Variants in ZNG1A observed in about 807,000 individuals in gnomAD.
ZNG1A encodes the protein Zn regulated GTPase metalloprotein activator 1A, also known as zinc-regulated GTPase metalloprotein activator 1A.
chr9:163,377 G>T, the ZNG1A span, among the ~76,000 whole-genome samples: 1 of 151,270 alleles, frequency 6.6e-6, no homozygotes, highest in Non-Finnish European at 1.5e-5. Context: ...TATATTAAGG[G>T]CATAAATCAA....
At chr9:167,369 TAGG>T in the ZNG1A span, 7 of 150,864 alleles carry the variant, frequency 4.6e-5, no homozygotes, top group African/African-American at 1.5e-4. Flanking sequence ...AATCAAACAC[TAGG>T]AGATTATGGA....
At chr9:133,362 G>T in the ZNG1A span, among the ~76,000 whole-genome samples, 6 of 137,700 alleles carry the variant, frequency 4.4e-5, no homozygotes, top group African/African-American at 1.7e-4. Context: ...ATAGTGTCTG[G>T]AATTTGCTTT....
At chr9:149,354 T>G in the ZNG1A span, 2 of 150,944 alleles carry the variant, frequency 1.3e-5, no homozygotes, top group South Asian at 4.2e-4. Flanking sequence ...TAATACCAAG[T>G]TTTCTAGCCA....
the ZNG1A span, among the ~76,000 whole-genome samples, chr9:141,775 G>C: frequency 1.5e-4 from 23 of 152,178 alleles, no homozygotes; most frequent in African/African-American, 5.3e-4. Context: ...AGACCCATCA[G>C]TGTGCTGTAT....
the ZNG1A span, chr9:153,227 T>C: frequency 6.6e-6 from 1 of 152,146 alleles, no homozygotes; most frequent in South Asian, 2.1e-4. Context: ...GCAATCACAA[T>C]GGTGCACAAG....
At chr9:131,179 CTTTT>C in the ZNG1A span, among the ~76,000 whole-genome samples, 550 of 131,736 alleles carry the variant, frequency 4.2e-3, 18 homozygotes, top group African/African-American at 0.016. Flanking sequence ...CCATTTCAGA[CTTTT>C]TTTTTCCAGT....
the ZNG1A span, among the ~76,000 whole-genome samples, chr9:159,504 G>A: frequency 1.3e-5 from 2 of 152,308 alleles, no homozygotes; most frequent in Admixed American, 6.5e-5. Context: ...GTTTTATAAT[G>A]TAATTCACAC....
At chr9:139,991 G>A in the ZNG1A span, among the ~76,000 whole-genome samples, 15 of 150,500 alleles carry the variant, frequency 1.0e-4, 1 homozygote, top group African/African-American at 2.2e-4. Flanking sequence ...ATTATATCCC[G>A]CACCTGGCTC....
At chr9:138,115 G>A in the ZNG1A span, among the ~76,000 whole-genome samples, 75 of 151,848 alleles carry the variant, frequency 4.9e-4, no homozygotes, top group Non-Finnish European at 8.4e-4. Flanking sequence ...CTACTAAATG[G>A]AACTAGAAAA....
chr9:175,378 AAAAAAATAAAATAAAAT>A, the ZNG1A span, among the ~76,000 whole-genome samples: 11 of 149,332 alleles, frequency 7.4e-5, no homozygotes, highest in African/African-American at 2.8e-4. Flanking sequence ...CTCCATCTCA[AAAAAAATAAAATAAAAT>A]AAAAAATAAA....
the ZNG1A span, among the ~76,000 whole-genome samples, chr9:145,753 A>T: frequency 6.6e-6 from 1 of 151,872 alleles, no homozygotes; most frequent in South Asian, 2.1e-4. Context: ...ATAAAAAAAT[A>T]AAGTGAAGAG....
the ZNG1A span, among the ~76,000 whole-genome samples, chr9:158,308 C>A: frequency 3.3e-3 from 502 of 152,056 alleles, 3 homozygotes; most frequent in African/African-American, 0.012. Flanking sequence ...CATGCAGCAA[C>A]GAATCTCTTC....
chr9:169,176 G>C, the ZNG1A span, among the ~76,000 whole-genome samples: 1 of 152,108 alleles, frequency 6.6e-6, no homozygotes, highest in Non-Finnish European at 1.5e-5. Context: ...GGAGATCAAA[G>C]TATCAACATG....
the ZNG1A span, among the ~76,000 whole-genome samples, chr9:129,604 T>C: frequency 3.3e-5 from 5 of 149,512 alleles, no homozygotes; most frequent in South Asian, 1.1e-3. Context: ...ATATCAGGTG[T>C]CTAAAACAGT....
chr9:160,492 G>A, the ZNG1A span, among the ~76,000 whole-genome samples: 1 of 151,898 alleles, frequency 6.6e-6, no homozygotes. Flanking sequence ...TATCCTGACA[G>A]TGTGTCAGTT....
chr9:164,831 C>T, the ZNG1A span, among the ~76,000 whole-genome samples: 4,191 of 152,130 alleles, frequency 0.028, 99 homozygotes, highest in Middle Eastern at 0.058. Context: ...CTCATTCCAG[C>T]GTCTAAAGCT....
At chr9:139,728 T>G in the ZNG1A span, among the ~76,000 whole-genome samples, 1 of 151,510 alleles carries the variant, frequency 6.6e-6, no homozygotes, top group East Asian at 2.0e-4. Context: ...GACAGGCGAT[T>G]TCTCCATTTC....
the ZNG1A span, chr9:167,114 C>G: frequency 6.6e-6 from 1 of 151,070 alleles, no homozygotes. Context: ...AAAAAAATTG[C>G]CTTCAAGGAG....
the ZNG1A span, among the ~76,000 whole-genome samples, chr9:152,492 C>T: frequency 1.3e-5 from 2 of 151,880 alleles, no homozygotes; most frequent in Admixed American, 6.6e-5. Flanking sequence ...TGGCTATATA[C>T]ACACTAAAAA....
Sources: allele counts gnomAD v4.1 joint callset (sites outside exome capture counted in the v4.1 genomes callset), GRCh38; gene constraint gnomAD v4.1.1; transcripts MANE v1.5; gene names NCBI Gene and HGNC (gene_info 2026-07-23, HGNC 2026-07-21).